DNAJC3: variants seen among roughly 807,000 people sequenced by gnomAD.
DNAJC3 encodes DnaJ heat shock protein family (Hsp40) member C3.
Under a neutral mutation model 68.6 loss-of-function variants are expected in DNAJC3, and 38 were observed. The ratio of observed to expected loss-of-function variants is 0.55; its 90% confidence interval spans 0.43 to 0.73. The LOEUF (loss-of-function observed/expected upper bound fraction) is 0.73. DNAJC3 is among the 30% of genes least tolerant of loss of function. The probability of loss-of-function intolerance (pLI) is 0.00; values close to 1 mark genes in which losing one functional copy is unlikely to be tolerated. For synonymous variants in DNAJC3, 203 were observed against 204.0 expected (o/e 1.00, Z 0.04); for missense variants, 526 against 591.9 (o/e 0.89, Z 1.16).
At chr13:95,780,252 C>T (rs948382501) in intron 9 of DNAJC3, among the ~76,000 whole-genome samples, 4 of 152,172 alleles carry the variant, frequency 2.6e-5, no homozygotes, top group Admixed American at 6.5e-5. Flanking sequence ...GTGTGTTTTG[C>T]ACTTCAGGAT....
At chr13:95,691,862 G>T (rs766688383) in intron 1 of DNAJC3, among the ~76,000 whole-genome samples, 5 of 152,250 alleles carry the variant, frequency 3.3e-5, no homozygotes, top group Admixed American at 3.3e-4. Context: ...AGACCAGCCC[G>T]GCCAACACAG....
At chr13:95,761,527 A>G (rs1478742849) in intron 7 of DNAJC3, among the ~76,000 whole-genome samples, 3 of 152,182 alleles carry the variant, frequency 2.0e-5, no homozygotes, top group Non-Finnish European at 4.4e-5. Context: ...TGCAGACTAT[A>G]ACGCCTTGCA....
chr13:95,694,647 ATC>A (rs1462987697), intron 1 of DNAJC3: 1 of 152,578 alleles, frequency 6.6e-6, no homozygotes, highest in Non-Finnish European at 1.5e-5. Flanking sequence ...ACCATCCAAC[ATC>A]TCTACATGAT....
chr13:95,717,446 A>T (rs1881187627), intron 2 of DNAJC3, among the ~76,000 whole-genome samples: 1 of 152,196 alleles, frequency 6.6e-6, no homozygotes, highest in South Asian at 2.1e-4. Context: ...AAAGATTCTG[A>T]GCTATGCTAC....
At chr13:95,696,568 T>TA (rs145183588) in intron 1 of DNAJC3, among the ~76,000 whole-genome samples, 5 of 151,956 alleles carry the variant, frequency 3.3e-5, no homozygotes, top group South Asian at 2.1e-4. Context: ...TTGCCTTTTT[T>TA]AAAAAAAAAT....
intron 9 of DNAJC3, among the ~76,000 whole-genome samples, chr13:95,771,107 A>G (rs1883145645): frequency 6.6e-6 from 1 of 152,046 alleles, no homozygotes; most frequent in African/African-American, 2.4e-5. Flanking sequence ...TCATCTTTTT[A>G]TGATGCATTT....
chr13:95,682,054 G>A (rs1018828941), intron 1 of DNAJC3, among the ~76,000 whole-genome samples: 4 of 151,980 alleles, frequency 2.6e-5, no homozygotes, highest in African/African-American at 9.7e-5. Flanking sequence ...TTGTATCTTT[G>A]TGCTGCTATA....
At chr13:95,715,599 C>T (rs1023474651) in intron 2 of DNAJC3, among the ~76,000 whole-genome samples, 2 of 151,646 alleles carry the variant, frequency 1.3e-5, no homozygotes, top group Non-Finnish European at 2.9e-5. Context: ...CTGCCTTGGC[C>T]TCCTGAGCAG....
chr13:95,767,693 T>G (rs945230338), intron 9 of DNAJC3, among the ~76,000 whole-genome samples: 13 of 147,124 alleles, frequency 8.8e-5, no homozygotes, highest in African/African-American at 3.0e-4. Flanking sequence ...TTTTTTGGGT[T>G]TTTTTTTTTT....
intron 1 of DNAJC3, among the ~76,000 whole-genome samples, chr13:95,706,535 AAATTTGAC>A (rs974728360): frequency 4.6e-5 from 7 of 152,176 alleles, no homozygotes; most frequent in African/African-American, 1.7e-4. Context: ...GAGCCTGTCA[AAATTTGAC>A]ATGGGTTAGT....
intron 2 of DNAJC3, among the ~76,000 whole-genome samples, chr13:95,715,320 C>T (rs554655042): frequency 1.3e-5 from 2 of 152,168 alleles, no homozygotes; most frequent in African/African-American, 4.8e-5. Context: ...GAAGGATTGC[C>T]TGAGCCCAGG....
intron 4 of DNAJC3, chr13:95,742,693 G>C (rs760694401): frequency 7.7e-6 from 4 of 518,770 alleles, no homozygotes; most frequent in East Asian, 5.4e-5. Context: ...ATCTATACTT[G>C]CTATTTTGGT....
chr13:95,781,188 T>G (rs1009841324), intron 9 of DNAJC3, among the ~76,000 whole-genome samples: 1 of 152,092 alleles, frequency 6.6e-6, no homozygotes, highest in African/African-American at 2.4e-5. Context: ...TTGTAGAGGT[T>G]TGCGTGTCCT....
intron 9 of DNAJC3, among the ~76,000 whole-genome samples, chr13:95,767,443 G>T (rs2139681436): frequency 6.6e-6 from 1 of 152,240 alleles, no homozygotes; most frequent in East Asian, 1.9e-4. Flanking sequence ...CGTTTGTGTT[G>T]TTTCTGCCTT....
intron 9 of DNAJC3, among the ~76,000 whole-genome samples, chr13:95,779,996 T>C (rs185747089): frequency 1.3e-5 from 2 of 152,360 alleles, no homozygotes; most frequent in African/African-American, 4.8e-5. Context: ...GCTAGTCCTC[T>C]GGATGTCAGT....
At chr13:95,755,475 T>A (rs1289531746) in intron 4 of DNAJC3, among the ~76,000 whole-genome samples, 1 of 150,340 alleles carries the variant, frequency 6.7e-6, no homozygotes, top group Non-Finnish European at 1.5e-5. Context: ...AATAAAAAAA[T>A]GGGCCTGGCT....
intron 2 of DNAJC3, among the ~76,000 whole-genome samples, chr13:95,719,786 G>T (rs558618642): frequency 9.0e-4 from 137 of 152,260 alleles, no homozygotes; most frequent in Non-Finnish European, 1.7e-3. Flanking sequence ...CAGAAATATT[G>T]TATGTAGACA....
chr13:95,788,678 T>C (rs988723876), intron 11 of DNAJC3, among the ~76,000 whole-genome samples: 4 of 152,204 alleles, frequency 2.6e-5, no homozygotes, highest in Admixed American at 1.3e-4. Context: ...CTCCACTGAA[T>C]TTTTAAGTAA....
At chr13:95,680,469 C>T (rs1420463108) in intron 1 of DNAJC3, among the ~76,000 whole-genome samples, 1 of 151,986 alleles carries the variant, frequency 6.6e-6, no homozygotes, top group East Asian at 1.9e-4. Flanking sequence ...TTGACATTAT[C>T]TAAATAGGGA....
Sources: allele counts gnomAD v4.1 joint callset (sites outside exome capture counted in the v4.1 genomes callset), GRCh38; gene constraint gnomAD v4.1.1; transcripts MANE v1.5; gene names NCBI Gene and HGNC (gene_info 2026-07-23, HGNC 2026-07-21).